Variants in NBPF26 observed in about 807,000 individuals in gnomAD.
The protein encoded by NBPF26 is NBPF member 26.
NBPF26 carries 79 observed loss-of-function variants against 119.6 expected under a neutral mutation model. The ratio of observed to expected loss-of-function variants is 0.66; its 90% CI spans 0.55 to 0.80. NBPF26 has a LOEUF of 0.80. Ranked by LOEUF, NBPF26 falls within the 30% of genes least tolerant of loss-of-function variation. The pLI, the probability that NBPF26 is intolerant of heterozygous loss-of-function variation, is 0.00. For synonymous variants in NBPF26, 299 were observed against 457.7 expected (o/e 0.65, Z 4.43); for missense variants, 800 against 1,198.2 (o/e 0.67, Z 4.91).
At chr1:120,724,127 CAGG>C in exon 1 of NBPF26, 2 of 1,313,272 alleles carry the variant, frequency 1.5e-6, no homozygotes, top group South Asian at 2.7e-5. Flanking sequence ...TGGATCTGCC[CAGG>C]CGGCGGCGGC....
At chr1:120,805,132 G>A (rs1388285432) in intron 4 of NBPF26, among the ~76,000 whole-genome samples, 8,381 of 125,448 alleles carry the variant, frequency 0.067, 2,560 homozygotes, top group African/African-American at 0.22. Flanking sequence ...TTGTCAACAA[G>A]GGTACACGAA....
rs1482239909 is a variant in NBPF26 at position 120,778,542 on chromosome 1, T to G, written c.156-6432T>G. ...TTGTAAAGCATGCCTCTCTTTTTCT[T>G]CTTGTATGTGGTGGGATTTTGCTTT... is the stretch of plus-strand genomic sequence containing the variant. On this transcript the variant is annotated intron_variant, in intron 2 of 29. Transcript: ENST00000620612. Among the ~76,000 whole-genome samples, 3 of 74,846 alleles carry G rather than the reference T, an allele frequency of 4.0e-5. No individual in the cohort carries two copies. The East Asian group carries it at 9.2e-4, about 23-fold the overall frequency. 49.1% of individuals were successfully genotyped at this position (74,846 alleles called of 152,430 possible). A position where few individuals can be genotyped will look rare whatever the true frequency, so the allele number is the denominator to read the frequency against.
Position 120,814,851 on chromosome 1 carries a change from G to A in NBPF26, c.1900G>A (p.Ala634Thr), listed in dbSNP as rs1425311825. The A allele has an allele frequency of 1.5e-3, 1,824 of 1,254,816 alleles. 280 individuals are homozygous for A. The highest frequency in any genetic ancestry group is 1.6e-3 in the Non-Finnish European group (1,467 of 894,794). 77.7% of individuals were successfully genotyped at this position (1,254,816 alleles called of 1,614,324 possible). A position where few individuals can be genotyped will look rare whatever the true frequency, so the allele number is the denominator to read the frequency against. ...TAGGCAATATAAAGTCCTGGTTCAC[G>A]CTCAGGAACGAGAGCTGACCCAGTT... Residue 634 changes from alanine (A) to threonine (T), a missense_variant, in exon 12 of 30, where the codon GCT becomes ACT. By Grantham distance (58) the Ala-to-Thr change is moderately conservative (BLOSUM62 0). Coordinates refer to ENST00000620612, the Ensembl canonical transcript of NBPF26.
rs1315810216 is a variant in NBPF26 at position 120,767,646 on chromosome 1, G to C, written c.155+3937G>C. ...TCTTAATAAAGCCCTCTCACTACAG[G>C]GAGATAAGATATTTTATTCTTTCCC... On this transcript the variant is annotated intron_variant, in intron 2 of 29. Transcript: ENST00000620612. Among the ~76,000 whole-genome samples the C allele has an allele frequency of 3.1e-5, 3 of 97,054 alleles. 1 individual carries two copies. Among genetic ancestry groups the C allele is most frequent in the Non-Finnish European group, 5.6e-5 (3 of 53,656 alleles). 63.7% of individuals were successfully genotyped at this position (97,054 alleles called of 152,430 possible).
rs1191008852 is a variant in NBPF26 at position 120,793,181 on chromosome 1, G to A, written c.436G>A (p.Asp146Asn). The A allele has an allele frequency of 3.2e-5, 46 of 1,439,012 alleles. 14 individuals carry two copies. Among genetic ancestry groups the A allele is most frequent in the East Asian group, 1.2e-4 (5 of 42,630 alleles). The allele number at this position is 1,439,012 out of a possible 1,614,324, so 89.1% of individuals were successfully genotyped here. A position where few individuals can be genotyped will look rare whatever the true frequency, so the allele number is the denominator to read the frequency against. The change falls in exon 4 of 30, where the codon GAT (aspartate) becomes AAT (asparagine). Residue 146 changes from aspartate (D) to asparagine (N), a missense_variant. Coordinates refer to ENST00000620612, the Ensembl canonical transcript of NBPF26. ...TTTAGGTAAGGAGTGCCAATGGACC[G>A]ATGCCTGCCTGTCTCATCTCTGTGC...
At chr1:120,754,445 T>C (rs1324486831) in intron 1 of NBPF26, among the ~76,000 whole-genome samples, 2 of 88,624 alleles carry the variant, frequency 2.3e-5, no homozygotes, top group Admixed American at 2.2e-4. Context: ...CTTCTTCCTC[T>C]CTGTTGGATT....
chr1:120,805,734 C>A lies in NBPF26; in HGVS notation c.930C>A (p.Ala310=), dbSNP rs1553269786. ...AGAAATGTTTTCTAACTCAACTGGC[C>A]GGCTTCCTGGCCAACCGACAGAAGA... The change falls in exon 5 of 30, where the codon GCC becomes GCA. Residue 310 remains alanine, a synonymous_variant. Transcript: ENST00000620612. The A allele has an allele frequency of 2.8e-6, 4 of 1,446,094 alleles. 1 individual carries two copies. Among genetic ancestry groups the A allele is most frequent in the Middle Eastern group, 4.6e-4 (2 of 4,376 alleles). 89.6% of individuals were successfully genotyped at this position (1,446,094 alleles called of 1,614,324 possible).
chr1:120,802,674 A>T lies in NBPF26; in HGVS notation c.752-2882A>T, dbSNP rs1176081266. On this transcript the variant is annotated intron_variant, in intron 4 of 29. Coordinates refer to ENST00000620612, the Ensembl canonical transcript of NBPF26. ...AAGAAAAGGAATCATACTGCTAAGA[A>T]TTCAAACTTCAGCAGTCATAGGTAA... Among the ~76,000 whole-genome samples the T allele has an allele frequency of 1.7e-5, 2 of 119,396 alleles. 1 individual carries two copies. The highest frequency in any genetic ancestry group is 9.4e-5 in the African/African-American group (2 of 21,264). 78.3% of individuals were successfully genotyped at this position (119,396 alleles called of 152,430 possible).
intron 29 of NBPF26, 32 bp from the exon 36 acceptor site, chr1:120,840,318 G>A: frequency 6.9e-7 from 1 of 1,443,492 alleles, no homozygotes; most frequent in Non-Finnish European, 9.2e-7. Flanking sequence ...GATTTTCCCT[G>A]GCTGCTTCTT....
chr1:120,764,169 C>T (rs1200118025), intron 2 of NBPF26, among the ~76,000 whole-genome samples: 2 of 113,980 alleles, frequency 1.8e-5, no homozygotes, highest in Admixed American at 8.5e-5. Context: ...GTGACTTGAA[C>T]CCAGGAGGCG....
chr1:120,793,346 C>T lies in NBPF26; in HGVS notation c.601C>T (p.Leu201=). The T allele has an allele frequency of 8.5e-6, 12 of 1,415,118 alleles. 1 individual carries two copies. In the South Asian group the frequency reaches 1.5e-4, roughly 17 times the overall value. 87.7% of individuals were successfully genotyped at this position (1,415,118 alleles called of 1,614,324 possible). ...CCAGCATGGTGGCACCTGCCTCAAC[C>T]TGCCTGGTTCCTACCAGTGCCAGTG... The change falls in exon 4 of 30, where the codon CTG becomes TTG. Residue 201 remains leucine (L), a synonymous_variant. Transcript: ENST00000620612.
Position 120,812,997 on chromosome 1 carries a change from A to G in NBPF26, c.1775-894A>G, listed in dbSNP as rs1180496140. Among the ~76,000 whole-genome samples the G allele has an allele frequency of 3.4e-5, 4 of 119,168 alleles. No individual in the cohort carries two copies. The East Asian group carries it at 8.2e-4, about 25-fold the overall frequency. The allele number at this position is 119,168 out of a possible 152,430, so 78.2% of individuals were successfully genotyped here. Reference sequence around the variant, plus strand: ...ATAAAAAGCAGAGAGTAGCTTGGTGAGAGTGAAGTCCTGCTTCCTGGGGCA... The same window carrying G: ...ATAAAAAGCAGAGAGTAGCTTGGTGGGAGTGAAGTCCTGCTTCCTGGGGCA... On this transcript the variant is annotated intron_variant, in intron 10 of 29. Coordinates refer to ENST00000620612, the Ensembl canonical transcript of NBPF26.
intron 1 of NBPF26, among the ~76,000 whole-genome samples, chr1:120,728,028 TA>T (rs1571018787): frequency 8.4e-6 from 1 of 118,872 alleles, no homozygotes; most frequent in East Asian, 2.1e-4. Context: ...CAGAGCCAAT[TA>T]GAGTTGAGAC....
chr1:120,810,622 C>T, intron 9 of NBPF26, 64 bp downstream of exon 9: 1 of 1,335,732 alleles, frequency 7.5e-7, no homozygotes. Flanking sequence ...ATTCTGAGGA[C>T]AGGCTGTATA....
chr1:120,759,581 G>A lies in NBPF26; in HGVS notation c.74-4047G>A, dbSNP rs1651112083. Among the ~76,000 whole-genome samples the A allele has an allele frequency of 4.1e-5, 4 of 97,982 alleles. 1 individual carries two copies. The highest frequency in any genetic ancestry group is 5.8e-4 in the South Asian group (2 of 3,442). 64.3% of individuals were successfully genotyped at this position (97,982 alleles called of 152,430 possible). On this transcript the variant is annotated intron_variant, in intron 1 of 29. Coordinates refer to ENST00000620612, the Ensembl canonical transcript of NBPF26. The stretch of plus-strand genomic sequence containing the variant: ...TGAATTTTGAAATGAGGTCTGTCCC[G>A]GTCTCACTTTCATGGCTTCAGGTTA...
intron 3 of NBPF26, among the ~76,000 whole-genome samples, chr1:120,790,010 C>CTTTTTT (rs1174501165): frequency 2.9e-4 from 10 of 34,962 alleles, no homozygotes; most frequent in Non-Finnish European, 4.5e-4. Context: ...TTCTGATCAC[C>CTTTTTT]TTTTTTTTTT....
rs1483771115 is a variant in NBPF26 at position 120,727,427 on chromosome 1, A to G, written c.73+3177A>G. On this transcript the variant is annotated intron_variant, in intron 1 of 29. Coordinates refer to ENST00000620612, the Ensembl canonical transcript of NBPF26. ...TTTTAAAATTGCTAACATAAGAGAT[A>G]TAGAATATAATGTCATTTCTTCTGT... Among the ~76,000 whole-genome samples the G allele has an allele frequency of 1.1e-4, 13 of 116,314 alleles. 3 individuals carry two copies. Among genetic ancestry groups the G allele is most frequent in the Non-Finnish European group, 2.0e-4 (12 of 60,952 alleles). 76.3% of individuals were successfully genotyped at this position (116,314 alleles called of 152,430 possible). A position where few individuals can be genotyped will look rare whatever the true frequency, so the allele number is the denominator to read the frequency against.
At chr1:120,840,369 G>A in exon 30 of NBPF26, 1 of 1,459,210 alleles carries the variant, frequency 6.9e-7, no homozygotes, top group Admixed American at 1.8e-5. Context: ...CATGCTGATG[G>A]AAGTGGAAGA....
rs1651402110 is a variant in NBPF26 at position 120,784,704 on chromosome 1, C to A, written c.156-270C>A. On this transcript the variant is annotated intron_variant, in intron 2 of 29. Transcript: ENST00000620612. Reference sequence around the variant, plus strand: ...AACTCCATCTATTGTGCATCTTTTACTTAGTAATTTTGTTTTCGTCTTCAG... The same window carrying A: ...AACTCCATCTATTGTGCATCTTTTAATTAGTAATTTTGTTTTCGTCTTCAG... Among the ~76,000 whole-genome samples, 2 of 117,948 alleles carry A rather than the reference C, an allele frequency of 1.7e-5. 1 individual carries two copies. The highest frequency in any genetic ancestry group is 4.2e-4 in the East Asian group (2 of 4,762). The allele number at this position is 117,948 out of a possible 152,430, so 77.4% of individuals were successfully genotyped here. A position where few individuals can be genotyped will look rare whatever the true frequency, so the allele number is the denominator to read the frequency against.
Sources: gnomAD v4.1 joint callset for allele counts (sites outside exome capture counted in the v4.1 genomes callset) on GRCh38, gnomAD v4.1.1 for gene constraint, MANE v1.5 for transcripts, NCBI Gene and HGNC (gene_info 2026-07-23, HGNC 2026-07-21) for gene names.